Variants in MTUS1 observed in about 807,000 individuals in gnomAD.
MTUS1 encodes the protein microtubule associated scaffold protein 1.
A neutral mutation model predicts 120.8 loss-of-function variants in MTUS1; 109 were observed. The ratio of observed to expected loss-of-function variants is 0.90; its 90% CI spans 0.77 to 1.06. The LOEUF (loss-of-function observed/expected upper bound fraction) is 1.06, where lower values mean the gene tolerates loss of function less well. Among genes scored for constraint, MTUS1 ranks in the 50% least tolerant of loss-of-function variants. The pLI is 0.00. For synonymous variants in MTUS1, 737 were observed against 550.5 expected, an observed-to-expected ratio of 1.34 and a Z score of -4.74; for missense variants, 2,210 against 1,486.3, an observed-to-expected ratio of 1.49 and a Z score of -8.01.
intron 2 of MTUS1, among the ~76,000 whole-genome samples, chr8:17,750,654 G>C (rs1038459498): frequency 2.6e-5 from 4 of 152,130 alleles, no homozygotes; most frequent in African/African-American, 9.7e-5. Flanking sequence ...GTTGTTATTG[G>C]GAAGAGTAAA....
At chr8:17,729,525 C>T (rs796411126) in intron 3 of MTUS1, among the ~76,000 whole-genome samples, 14 of 152,276 alleles carry the variant, frequency 9.2e-5, no homozygotes, top group African/African-American at 3.4e-4. Flanking sequence ...CACATAGACA[C>T]ACACATATGC....
chr8:17,646,348 G>T (rs886940657), intron 14 of MTUS1, among the ~76,000 whole-genome samples: 1 of 152,104 alleles, frequency 6.6e-6, no homozygotes, highest in East Asian at 1.9e-4. Context: ...GGCACCTTGG[G>T]AGGCCAAGGT....
chr8:17,694,117 G>C (rs1817498381), intron 6 of MTUS1, among the ~76,000 whole-genome samples: 1 of 152,126 alleles, frequency 6.6e-6, no homozygotes, highest in Admixed American at 6.5e-5. Context: ...AATAGAGACA[G>C]GGTCTCATTA....
At position 17,754,633 on chromosome 8, in the gene MTUS1, G is replaced by A; in HGVS notation, c.1175C>T (p.Thr392Ile). Residue 392 changes from threonine to isoleucine, a missense_variant, in exon 2 of 15, where the codon ACC (threonine) becomes ATC (isoleucine). Coordinates refer to ENST00000693296, the MANE Select transcript of MTUS1 (RefSeq NM_001363059.2). ...KGKDLGTQNH[T>I]SELILSSPPG... ...CGGGCTACTTAGAATCAATTCTGAGGTATGATTTTGGGTTCCCAAATCCTT... is the reference window on the plus strand; with the variant it reads ...CGGGCTACTTAGAATCAATTCTGAGATATGATTTTGGGTTCCCAAATCCTT... 7 of 1,614,186 alleles carry A rather than the reference G, an allele frequency of 4.3e-6. No individual in the cohort carries two copies. Among genetic ancestry groups the A allele is most frequent in the Non-Finnish European group, 5.9e-6 (7 of 1,180,026 alleles).
intron 4 of MTUS1, among the ~76,000 whole-genome samples, chr8:17,719,886 A>C (rs1563262737): frequency 1.3e-5 from 2 of 152,348 alleles, no homozygotes; most frequent in Admixed American, 6.5e-5. Context: ...CATCCTGCCA[A>C]ACAATGAGGC....
chr8:17,666,121 C>T (rs1441738129), intron 8 of MTUS1, among the ~76,000 whole-genome samples: 3 of 114,344 alleles, frequency 2.6e-5, no homozygotes, highest in African/African-American at 1.0e-4. Context: ...TTTTAAATCA[C>T]AACAGCAAAC....
intron 7 of MTUS1, among the ~76,000 whole-genome samples, chr8:17,682,183 T>C (rs1321124909): frequency 1.3e-5 from 2 of 152,226 alleles, no homozygotes; most frequent in Non-Finnish European, 1.5e-5. Flanking sequence ...GGATGGATTA[T>C]AGGTGAGAAA....
At chr8:17,737,738 C>T (rs539359956) in intron 3 of MTUS1, among the ~76,000 whole-genome samples, 16 of 152,320 alleles carry the variant, frequency 1.1e-4, no homozygotes, top group African/African-American at 3.8e-4. Context: ...CCTCCCACTT[C>T]ATCCTCCCTA....
At chr8:17,712,343 CT>C (rs56899123) in intron 6 of MTUS1, among the ~76,000 whole-genome samples, 54 of 146,940 alleles carry the variant, frequency 3.7e-4, no homozygotes, top group Non-Finnish European at 3.0e-4. Context: ...ATCCATCTAT[CT>C]TTTTTTTTTT....
At chr8:17,723,620 C>T (rs770558273) in intron 4 of MTUS1, 52 bp downstream of exon 4, 10 of 1,560,040 alleles carry the variant, frequency 6.4e-6, no homozygotes, top group Non-Finnish European at 6.2e-6. Flanking sequence ...ATTAGTTTTT[C>T]TTGTAATGAC....
At chr8:17,797,728 G>T (rs1253117586) in intron 1 of MTUS1, among the ~76,000 whole-genome samples, 1 of 152,104 alleles carries the variant, frequency 6.6e-6, no homozygotes, top group African/African-American at 2.4e-5. Flanking sequence ...CCCTAAGCAC[G>T]CAGATCCTGA....
intron 6 of MTUS1, among the ~76,000 whole-genome samples, chr8:17,710,673 G>A (rs1821101238): frequency 6.6e-6 from 1 of 152,170 alleles, no homozygotes; most frequent in South Asian, 2.1e-4. Context: ...TGTTCTTAAT[G>A]GCATCTAGAA....
chr8:17,687,896 T>A (rs892413707), intron 6 of MTUS1, among the ~76,000 whole-genome samples: 1 of 152,248 alleles, frequency 6.6e-6, no homozygotes, highest in African/African-American at 2.4e-5. Context: ...ATGAGGAAGA[T>A]GCCCATTTCT....
At chr8:17,678,792 G>A (rs562487871) in intron 7 of MTUS1, among the ~76,000 whole-genome samples, 3 of 151,156 alleles carry the variant, frequency 2.0e-5, no homozygotes, top group Admixed American at 2.0e-4. Context: ...AAGAATTAGA[G>A]GTTTGGGGAG....
chr8:17,771,088 C>T (rs1439862035), intron 1 of MTUS1, among the ~76,000 whole-genome samples: 1 of 152,184 alleles, frequency 6.6e-6, no homozygotes, highest in African/African-American at 2.4e-5. Context: ...TACAATTGTA[C>T]TTCTCACTCC....
chr8:17,713,190 G>T (rs368331886), intron 6 of MTUS1, 24 bp downstream of exon 6: 2 of 1,560,694 alleles, frequency 1.3e-6, no homozygotes, highest in African/African-American at 1.4e-5. Context: ...TCTTTTTATC[G>T]CCATCCATAA....
rs778200268 is a variant in MTUS1, at chr8:17,723,852, C to G, written c.2288-19G>C. The G allele has an allele frequency of 5.2e-6, 8 of 1,530,460 alleles. No individual in the cohort carries two copies. The Admixed American group carries it at 1.7e-4, about 33-fold the overall frequency. The allele number at this position is 1,530,460 out of a possible 1,614,324, so 94.8% of individuals were successfully genotyped here. A position where few individuals can be genotyped will look rare whatever the true frequency, so the allele number is the denominator to read the frequency against. On this transcript the variant is annotated intron_variant, in intron 3 of 14. Transcript: ENST00000693296. Reference sequence around the variant, plus strand: ...GGCTTTCCTTGGGGTTTAAAAAAAACAAAAAGTTTCCAGTGCTATTCATCC... The same window carrying G: ...GGCTTTCCTTGGGGTTTAAAAAAAAGAAAAAGTTTCCAGTGCTATTCATCC...
chr8:17,741,448 T>C (rs1251744640), intron 3 of MTUS1, among the ~76,000 whole-genome samples: 4 of 152,188 alleles, frequency 2.6e-5, no homozygotes, highest in Non-Finnish European at 1.5e-5. Context: ...AACCACCCAG[T>C]AAAACGTAAT....
At position 17,772,926 on chromosome 8, in the gene MTUS1, A is replaced by G. The variant is rs973431434; in HGVS notation, c.-154-16965T>C. Among the ~76,000 whole-genome samples, 7 of 152,348 alleles carry G rather than the reference A, an allele frequency of 4.6e-5. No homozygotes were observed. The East Asian group carries it at 9.6e-4, about 21-fold the overall frequency. On this transcript the variant is annotated intron_variant, in intron 1 of 14. Coordinates refer to ENST00000693296, the MANE Select transcript of MTUS1 (RefSeq NM_001363059.2). ...GAAGATTATATAACAAGACTAATCC[A>G]TATTAGAGAATCAAAAGGAGATTAA...
Sources: allele counts gnomAD v4.1 joint callset (sites outside exome capture counted in the v4.1 genomes callset), GRCh38; gene constraint gnomAD v4.1.1; transcripts MANE v1.5; gene names NCBI Gene and HGNC (gene_info 2026-07-23, HGNC 2026-07-21).